HSD17B12: variants seen among roughly 807,000 people sequenced by gnomAD.
HSD17B12 encodes hydroxysteroid 17-beta dehydrogenase 12.
In HSD17B12, 32 loss-of-function variants were observed where a neutral mutation model predicts 39.3. That is an observed-to-expected ratio of 0.81 (90% confidence interval 0.61 to 1.09). The LOEUF (loss-of-function observed/expected upper bound fraction) is 1.09, where lower values mean the gene tolerates loss of function less well. Among genes scored for constraint, HSD17B12 ranks in the 50% least tolerant of loss-of-function variants. The pLI is 0.00. For missense variants in HSD17B12, 342 were observed against 382.9 expected (o/e 0.89, Z 0.89); for synonymous variants, 150 against 146.7 (o/e 1.02, Z -0.16).
intron 1 of HSD17B12, among the ~76,000 whole-genome samples, chr11:43,690,361 CATATATATATATATATAT>C (rs61646858): frequency 2.5e-5 from 1 of 39,420 alleles, no homozygotes; most frequent in African/African-American, 1.3e-4. Flanking sequence ...GGTATTCATA[CATATATATATATATATAT>C]ATATATATAT....
intron 6 of HSD17B12, among the ~76,000 whole-genome samples, chr11:43,821,298 T>A (rs891189043): frequency 1.3e-5 from 2 of 152,208 alleles, no homozygotes; most frequent in African/African-American, 2.4e-5. Flanking sequence ...TCTTAAATCC[T>A]TCAGGAATAA....
intron 1 of HSD17B12, among the ~76,000 whole-genome samples, chr11:43,701,065 A>G (rs1473191857): frequency 6.6e-6 from 1 of 152,070 alleles, no homozygotes; most frequent in African/African-American, 2.4e-5. Context: ...TGTAGTTTTG[A>G]TTTGCATTTC....
the HSD17B12 span, chr11:43,569,360 G>A: frequency 6.6e-6 from 1 of 152,176 alleles, no homozygotes; most frequent in Non-Finnish European, 1.5e-5. Flanking sequence ...AGTGTCTCCT[G>A]AGCAATTGGT....
chr11:43,640,774 A>G, the HSD17B12 span, among the ~76,000 whole-genome samples: 1 of 152,054 alleles, frequency 6.6e-6, no homozygotes, highest in Non-Finnish European at 1.5e-5. Flanking sequence ...AGAAACTACT[A>G]TCTGTGATAA....
the HSD17B12 span, among the ~76,000 whole-genome samples, chr11:43,592,112 G>A: frequency 6.6e-6 from 1 of 151,724 alleles, no homozygotes; most frequent in Admixed American, 6.6e-5. Context: ...TTAACACTAG[G>A]TTGATTTCAT....
chr11:43,773,476 T>C (rs866853689), intron 3 of HSD17B12, among the ~76,000 whole-genome samples: 1 of 152,222 alleles, frequency 6.6e-6, no homozygotes, highest in Non-Finnish European at 1.5e-5. Context: ...CTGACCTCAG[T>C]GATCCTCCCA....
At chr11:43,795,615 GACAT>G (rs1950909624) in intron 3 of HSD17B12, among the ~76,000 whole-genome samples, 1 of 152,158 alleles carries the variant, frequency 6.6e-6, no homozygotes, top group South Asian at 2.1e-4. Context: ...ATATCACAGA[GACAT>G]ACAATCTCTG....
chr11:43,733,699 G>A (rs1950289845), intron 1 of HSD17B12: 2 of 538,146 alleles, frequency 3.7e-6, no homozygotes, highest in East Asian at 4.8e-5. Context: ...AGGGGTTTAG[G>A]GGGAATTCAT....
the HSD17B12 span, among the ~76,000 whole-genome samples, chr11:43,557,486 T>C: frequency 2.0e-5 from 3 of 152,230 alleles, no homozygotes; most frequent in Non-Finnish European, 4.4e-5. Context: ...CTTAATGTTC[T>C]CCCACTTTTT....
chr11:43,808,947 T>C (rs1263538784), intron 4 of HSD17B12, among the ~76,000 whole-genome samples: 2 of 152,176 alleles, frequency 1.3e-5, no homozygotes, highest in Non-Finnish European at 2.9e-5. Flanking sequence ...CTTTCCAAAC[T>C]CTCTCTATAG....
rs922023182 is a variant in HSD17B12 at position 43,741,856 on chromosome 11, C to T, written c.161-9055C>T. Among the ~76,000 whole-genome samples, 8 of 150,116 alleles carry T rather than the reference C, an allele frequency of 5.3e-5. No homozygotes were observed. In the East Asian group the frequency reaches 1.6e-3, roughly 30 times the overall value. On this transcript the variant is annotated intron_variant, in intron 1 of 10. Coordinates refer to ENST00000278353, the MANE Select transcript of HSD17B12 (RefSeq NM_016142.3). ...TCACTCCATCCTCCTGCCTCAGCCTCCCAAGCAGCTGGGACTACAGGCGCC... is the reference window on the plus strand; with the variant it reads ...TCACTCCATCCTCCTGCCTCAGCCTTCCAAGCAGCTGGGACTACAGGCGCC...
At chr11:43,706,928 A>G (rs1207745245) in intron 1 of HSD17B12, among the ~76,000 whole-genome samples, 1 of 152,104 alleles carries the variant, frequency 6.6e-6, no homozygotes, top group Admixed American at 6.5e-5. Context: ...TGAAAATTTT[A>G]TGCCTCTTTT....
the HSD17B12 span, among the ~76,000 whole-genome samples, chr11:43,608,268 A>C: frequency 6.6e-6 from 1 of 151,426 alleles, no homozygotes; most frequent in African/African-American, 2.4e-5. Flanking sequence ...TGGGAGGCTG[A>C]GGTGGATCAC....
At chr11:43,729,848 C>G (rs1363838864) in intron 1 of HSD17B12, among the ~76,000 whole-genome samples, 3 of 152,192 alleles carry the variant, frequency 2.0e-5, no homozygotes, top group African/African-American at 7.2e-5. Context: ...GTCATAGAGA[C>G]TAGCCTCAAG....
the HSD17B12 span, among the ~76,000 whole-genome samples, chr11:43,622,440 T>G: frequency 2.0e-5 from 3 of 151,580 alleles, no homozygotes; most frequent in Non-Finnish European, 4.4e-5. Flanking sequence ...CTACAAAAAA[T>G]AAAATAAAAT....
intron 4 of HSD17B12, among the ~76,000 whole-genome samples, chr11:43,808,097 G>A (rs1590317536): frequency 1.3e-5 from 2 of 152,288 alleles, no homozygotes; most frequent in South Asian, 4.1e-4. Flanking sequence ...CAGGAGCAAA[G>A]TCTGTTGAGA....
At chr11:43,680,071 CTTTTTTTT>C, upstream of HSD17B12, among the ~76,000 whole-genome samples, 1 of 148,080 alleles carries the variant, frequency 6.8e-6, no homozygotes, top group East Asian at 2.0e-4. Flanking sequence ...TATTTCTTTT[CTTTTTTTT>C]TTTGTTTTTG....
chr11:43,594,101 C>G, the HSD17B12 span, among the ~76,000 whole-genome samples: 1 of 152,100 alleles, frequency 6.6e-6, no homozygotes, highest in Non-Finnish European at 1.5e-5. Context: ...ACGGTCAATG[C>G]ATCCTTCACC....
the HSD17B12 span, among the ~76,000 whole-genome samples, chr11:43,591,522 T>C: frequency 6.6e-6 from 1 of 152,182 alleles, no homozygotes; most frequent in Non-Finnish European, 1.5e-5. Context: ...AGCTTATTGC[T>C]TTTTTGAGGA....
Sources: gnomAD v4.1 joint callset for allele counts (sites outside exome capture counted in the v4.1 genomes callset) on GRCh38, gnomAD v4.1.1 for gene constraint, MANE v1.5 for transcripts, NCBI Gene and HGNC (gene_info 2026-07-23, HGNC 2026-07-21) for gene names.